Variants in DLC1 observed in about 807,000 individuals in gnomAD.
DLC1 encodes DLC1 Rho GTPase activating protein.
In DLC1, 54 loss-of-function variants were observed where a neutral mutation model predicts 140.3. The observed-to-expected ratio is 0.38, with a 90% CI of 0.31 to 0.48. DLC1 has a LOEUF of 0.48. Among genes scored for constraint, DLC1 ranks in the 20% least tolerant of loss-of-function variants. The pLI is 0.96. For synonymous variants in DLC1, 986 were observed against 728.1 expected, an observed-to-expected ratio of 1.35 and a Z score of -5.70; for missense variants, 2,536 against 1,907.0, an observed-to-expected ratio of 1.33 and a Z score of -6.14.
chr8:13,564,378 T>G (rs1015317685), intron 1 of DLC1, among the ~76,000 whole-genome samples: 19 of 152,194 alleles, frequency 1.2e-4, no homozygotes, highest in Admixed American at 1.0e-3. Flanking sequence ...ACATTCAACT[T>G]AGCCCCCTAG....
chr8:13,172,253 T>C (rs1043488787), intron 5 of DLC1, among the ~76,000 whole-genome samples: 4 of 152,148 alleles, frequency 2.6e-5, no homozygotes, highest in African/African-American at 9.7e-5. Flanking sequence ...ATTTTCAACC[T>C]CACTAATGGA....
At chr8:13,137,841 G>A (rs771335234) in intron 5 of DLC1, among the ~76,000 whole-genome samples, 48 of 151,752 alleles carry the variant, frequency 3.2e-4, no homozygotes, top group Non-Finnish European at 5.3e-4. Flanking sequence ...CAGCTGATCT[G>A]CCCGCCTCAG....
chr8:13,206,822 TCAGAG>T (rs771207394), intron 5 of DLC1, among the ~76,000 whole-genome samples: 9 of 152,094 alleles, frequency 5.9e-5, no homozygotes, highest in Admixed American at 1.3e-4. Context: ...GCTGGTTATC[TCAGAG>T]CAAAGAACTC....
At chr8:13,184,091 G>C (rs1826203297) in intron 5 of DLC1, among the ~76,000 whole-genome samples, 1 of 152,190 alleles carries the variant, frequency 6.6e-6, no homozygotes. Flanking sequence ...AGATTTTCTA[G>C]TTTATTTGCA....
intron 5 of DLC1, among the ~76,000 whole-genome samples, chr8:13,288,019 G>C (rs1052273664): frequency 6.6e-6 from 1 of 152,074 alleles, no homozygotes. Flanking sequence ...TGTGTCACTT[G>C]TTATGTATTA....
intron 4 of DLC1, among the ~76,000 whole-genome samples, chr8:13,372,788 G>T (rs1230750847): frequency 1.3e-5 from 2 of 152,068 alleles, no homozygotes; most frequent in East Asian, 3.9e-4. Flanking sequence ...ATAGAAAAGG[G>T]CCTATATGGT....
chr8:13,462,066 G>C (rs1177339446), intron 2 of DLC1, among the ~76,000 whole-genome samples: 1 of 152,110 alleles, frequency 6.6e-6, no homozygotes, highest in Non-Finnish European at 1.5e-5. Context: ...GCACATTATA[G>C]GAATAGTAGG....
At chr8:13,523,593 G>A (rs898059396) in intron 1 of DLC1, among the ~76,000 whole-genome samples, 14 of 152,268 alleles carry the variant, frequency 9.2e-5, no homozygotes, top group African/African-American at 3.1e-4. Flanking sequence ...TGAGATTGAC[G>A]AGAGGGTGTG....
chr8:13,231,604 A>C (rs1829049710), intron 5 of DLC1, among the ~76,000 whole-genome samples: 1 of 152,218 alleles, frequency 6.6e-6, no homozygotes, highest in Non-Finnish European at 1.5e-5. Context: ...ACAATTCTAC[A>C]TATTCTTGTG....
chr8:13,387,248 G>T (rs527845043), intron 4 of DLC1, among the ~76,000 whole-genome samples: 1 of 152,090 alleles, frequency 6.6e-6, no homozygotes, highest in East Asian at 1.9e-4. Context: ...AGACTTCAGT[G>T]AAAATAAACA....
intron 1 of DLC1, among the ~76,000 whole-genome samples, chr8:13,582,878 CTATA>C (rs55681527): frequency 0.078 from 8,023 of 102,340 alleles, 324 homozygotes; most frequent in Admixed American, 0.11. Flanking sequence ...ATACTGTGGT[CTATA>C]TATATATATA....
chr8:13,430,960 G>A (rs190095739), intron 2 of DLC1, among the ~76,000 whole-genome samples: 59 of 152,184 alleles, frequency 3.9e-4, no homozygotes, highest in Middle Eastern at 3.4e-3. Context: ...CTATGAAGTC[G>A]CATGAAACAT....
intron 4 of DLC1, among the ~76,000 whole-genome samples, chr8:13,338,022 C>T (rs915177642): frequency 4.6e-5 from 7 of 152,170 alleles, no homozygotes; most frequent in Non-Finnish European, 1.0e-4. Flanking sequence ...GATAGTATAG[C>T]TAGAGGAACT....
intron 1 of DLC1, among the ~76,000 whole-genome samples, chr8:13,502,045 C>A (rs1180923369): frequency 1.3e-5 from 2 of 152,082 alleles, no homozygotes; most frequent in South Asian, 4.1e-4. Context: ...TAAGTTGAGC[C>A]TGAATTCTGG....
intron 5 of DLC1, among the ~76,000 whole-genome samples, chr8:13,121,808 C>G (rs1821099685): frequency 1.3e-5 from 2 of 152,132 alleles, no homozygotes; most frequent in South Asian, 4.2e-4. Context: ...CTGCCTCGGC[C>G]TCCCAAAGTG....
chr8:13,145,841 T>G (rs898726576), intron 5 of DLC1, among the ~76,000 whole-genome samples: 3 of 152,234 alleles, frequency 2.0e-5, no homozygotes, highest in Non-Finnish European at 4.4e-5. Flanking sequence ...GATTATGATT[T>G]CCTCTGACGC....
At chr8:13,392,508 T>A (rs914111797) in intron 4 of DLC1, among the ~76,000 whole-genome samples, 6 of 152,186 alleles carry the variant, frequency 3.9e-5, no homozygotes, top group African/African-American at 1.4e-4. Context: ...GTATTATCTT[T>A]TGAGTCCTAT....
At chr8:13,252,535 A>G (rs1463667806) in intron 5 of DLC1, among the ~76,000 whole-genome samples, 1 of 152,192 alleles carries the variant, frequency 6.6e-6, no homozygotes, top group Non-Finnish European at 1.5e-5. Context: ...GGAAGAAAAA[A>G]TCTTACTGTA....
At chr8:13,253,124 A>G (rs754060471) in intron 5 of DLC1, among the ~76,000 whole-genome samples, 6 of 152,238 alleles carry the variant, frequency 3.9e-5, no homozygotes, top group African/African-American at 7.2e-5. Flanking sequence ...CTGGTGTAAG[A>G]ACTAAAGTTG....
Sources: gnomAD v4.1 joint callset for allele counts (sites outside exome capture counted in the v4.1 genomes callset) on GRCh38, gnomAD v4.1.1 for gene constraint, MANE v1.5 for transcripts, NCBI Gene and HGNC (gene_info 2026-07-23, HGNC 2026-07-21) for gene names.